TRIP11: variants seen among roughly 807,000 people sequenced by gnomAD.
TRIP11 encodes the protein thyroid receptor-interacting protein 11.
In TRIP11, 148 loss-of-function variants were observed where a neutral mutation model predicts 223.1. The ratio of observed to expected loss-of-function variants is 0.66; its 90% CI spans 0.58 to 0.76. The LOEUF (loss-of-function observed/expected upper bound fraction) is 0.76. Ranked by LOEUF, TRIP11 falls within the 30% of genes least tolerant of loss-of-function variation. The pLI, the probability that TRIP11 is intolerant of heterozygous loss-of-function variation, is 0.00. For missense variants in TRIP11, 2,043 were observed against 2,222.0 expected (o/e 0.92, Z 1.62); for synonymous variants, 762 against 772.6 (o/e 0.99, Z 0.23).
At chr14:91,981,287 A>G (rs2056540698) in intron 16 of TRIP11, among the ~76,000 whole-genome samples, 1 of 151,542 alleles carries the variant, frequency 6.6e-6, no homozygotes, top group African/African-American at 2.4e-5. Flanking sequence ...AAGTGCTGGG[A>G]TTACGAGTGT....
rs1211000138 is a variant in TRIP11 at position 91,981,008 on chromosome 14, A to ATT, written c.5261-4820_5261-4819insAA. Among the ~76,000 whole-genome samples, 285 of 78,246 alleles carry ATT rather than the reference A, an allele frequency of 3.6e-3. 13 individuals carry two copies. Among genetic ancestry groups the ATT allele is most frequent in the Non-Finnish European group, 4.8e-3 (207 of 43,030 alleles). The allele number at this position is 78,246 out of a possible 152,430, so 51.3% of individuals were successfully genotyped here. A position where few individuals can be genotyped will look rare whatever the true frequency, so the allele number is the denominator to read the frequency against. On this transcript the variant is annotated intron_variant, in intron 16 of 20. Transcript: ENST00000267622. ...ATGTATATTATATATATATATATAT[A>ATT]TATATTTTTTTTTTTTTTTTTTTTT...
At chr14:91,996,929 T>C (rs961729207) in intron 13 of TRIP11, among the ~76,000 whole-genome samples, 2 of 152,218 alleles carry the variant, frequency 1.3e-5, no homozygotes, top group African/African-American at 4.8e-5. Context: ...TGTATAATGA[T>C]TACATTCAAA....
chr14:92,003,680 G>A lies in TRIP11; in HGVS notation c.4296C>T (p.Asn1432=). 6.2e-7 allele frequency: 1 copy of A among 1,614,078 alleles called. No homozygotes were observed. The highest frequency in any genetic ancestry group is 1.1e-5 in the South Asian group (1 of 91,078). Reference sequence around the variant, plus strand: ...TCAAAAGTTCGTTTTCATTTACTTTGTTAGTGAAATTTTCATTGGAAGAAA... The same window carrying A: ...TCAAAAGTTCGTTTTCATTTACTTTATTAGTGAAATTTTCATTGGAAGAAA... ...QLLSSNENFT[N]KVNENELLRQ... Residue 1432 remains asparagine, a synonymous_variant, in exon 11 of 21, where the codon AAC becomes AAT. Coordinates refer to ENST00000267622, the MANE Select transcript of TRIP11 (RefSeq NM_004239.4).
At chr14:92,000,519 G>A (rs768706319) in intron 11 of TRIP11, among the ~76,000 whole-genome samples, 20 of 152,106 alleles carry the variant, frequency 1.3e-4, no homozygotes, top group Non-Finnish European at 2.6e-4. Flanking sequence ...TGTTAACAAG[G>A]AAAACTCAGT....
intron 15 of TRIP11, among the ~76,000 whole-genome samples, chr14:91,991,111 T>C (rs1595376062): frequency 6.6e-6 from 1 of 151,862 alleles, no homozygotes; most frequent in South Asian, 2.1e-4. Context: ...TATTGGGAGG[T>C]AGGGCCTGAT....
At chr14:91,982,165 T>A (rs193281491) in intron 16 of TRIP11, among the ~76,000 whole-genome samples, 172 of 152,324 alleles carry the variant, frequency 1.1e-3, no homozygotes, top group Admixed American at 2.2e-3. Context: ...TGATTTTATA[T>A]AAATATTTTT....
intron 10 of TRIP11, among the ~76,000 whole-genome samples, chr14:92,006,715 G>A (rs535988114): frequency 3.9e-5 from 6 of 152,084 alleles, no homozygotes; most frequent in East Asian, 1.9e-4. Context: ...TCGGCTCGGC[G>A]CAATCTCGGC....
At chr14:91,972,245 A>G (rs10484031) in intron 20 of TRIP11, among the ~76,000 whole-genome samples, 3,625 of 152,328 alleles carry the variant, frequency 0.024, 157 homozygotes, top group African/African-American at 0.082. Context: ...AACTGCGCTT[A>G]TATATATTAA....
chr14:92,017,736 T>C lies in TRIP11; in HGVS notation c.603A>G (p.Gln201=), dbSNP rs781543250. The change falls in exon 5 of 21, where the codon CAA becomes CAG. Residue 201 remains glutamine (Q), a synonymous_variant. Coordinates refer to ENST00000267622, the MANE Select transcript of TRIP11 (RefSeq NM_004239.4). ...WRHIAQTSKA[Q]GTDNSDQSEI... ...CACTTTGATCAGAGTTATCTGTTCCTTGTGCTTTGGAAGTCTAGATCAGAA... is the reference window on the plus strand; with the variant it reads ...CACTTTGATCAGAGTTATCTGTTCCCTGTGCTTTGGAAGTCTAGATCAGAA... 17 of 1,612,826 alleles carry C rather than the reference T, an allele frequency of 1.1e-5. No homozygotes were observed. The South Asian group carries it at 1.8e-4, about 17-fold the overall frequency.
At chr14:91,984,612 G>A (rs886091744) in intron 16 of TRIP11, among the ~76,000 whole-genome samples, 5 of 152,030 alleles carry the variant, frequency 3.3e-5, no homozygotes, top group Non-Finnish European at 7.4e-5. Flanking sequence ...CACCACGTCC[G>A]GCCAAATCAT....
intron 20 of TRIP11, among the ~76,000 whole-genome samples, chr14:91,972,316 C>T (rs2056409970): frequency 6.6e-6 from 1 of 152,160 alleles, no homozygotes; most frequent in South Asian, 2.1e-4. Context: ...AAACCCTTCT[C>T]AAACTATAAA....
intron 1 of TRIP11, among the ~76,000 whole-genome samples, chr14:92,039,099 A>G (rs775399312): frequency 3.3e-5 from 5 of 152,234 alleles, no homozygotes; most frequent in Non-Finnish European, 7.3e-5. Flanking sequence ...CTCAAGACAG[A>G]AAAGAGCAAA....
intron 16 of TRIP11, among the ~76,000 whole-genome samples, chr14:91,985,778 A>G (rs1446915685): frequency 2.0e-5 from 3 of 152,260 alleles, no homozygotes; most frequent in African/African-American, 7.2e-5. Flanking sequence ...AATAAAGTAC[A>G]GTATTACAAC....
rs756370117 is a variant in TRIP11, at chr14:92,003,440, C to T, written c.4536G>A (p.Gln1512=). The stretch of plus-strand genomic sequence containing the variant: ...ACACCTGTTCTTTCTCTTTCAATAG[C>T]TGTTCAAAAGCAAGAGCCTTCTCCT... ...SMKEKALAFE[Q]LLKEKEQGKT... The change falls in exon 11 of 21, where the codon CAG becomes CAA. Residue 1512 remains glutamine, a synonymous_variant. Transcript: ENST00000267622. The T allele has an allele frequency of 1.9e-6, 3 of 1,613,596 alleles. No individual in the cohort carries two copies. The highest frequency in any genetic ancestry group is 3.3e-5 in the Admixed American group (2 of 60,010).
In TRIP11 at chr14:91,988,347, C is replaced by T. The variant is rs142518915; in HGVS notation, c.5197G>A (p.Ala1733Thr). Residue 1733 changes from alanine to threonine, a missense_variant, in exon 16 of 21, where the codon GCA becomes ACA. Coordinates refer to ENST00000267622, the MANE Select transcript of TRIP11 (RefSeq NM_004239.4). ...LDEANAALDS[A>T]SRLTEQLDVK... ...TCTAACTGTTCTGTAAGTCTTGATG[C>T]TGAATCCAATGCAGCATTTGCTTCA... The T allele has an allele frequency of 3.7e-5, 59 of 1,613,754 alleles. No homozygotes were observed. In the African/African-American group the frequency reaches 5.3e-4, roughly 15 times the overall value.
Position 92,007,868 on chromosome 14 carries a change from GA to G in TRIP11, c.1315-17del. 6.3e-7 allele frequency: 1 copy of G among 1,583,316 alleles called. No homozygotes were observed. Among genetic ancestry groups the G allele is most frequent in the Non-Finnish European group, 8.6e-7 (1 of 1,161,954 alleles). ...GAAGTTCTTCCTGAAATGATAAAAG[GA>G]AAAAAGCAACACATACTTTCAATTG... On this transcript the variant is annotated splice_polypyrimidine_tract_variant and intron_variant, in intron 9 of 20. Coordinates refer to ENST00000267622, the MANE Select transcript of TRIP11 (RefSeq NM_004239.4).
At chr14:92,024,453 T>C (rs573783690) in intron 3 of TRIP11, among the ~76,000 whole-genome samples, 94 of 152,312 alleles carry the variant, frequency 6.2e-4, no homozygotes, top group Middle Eastern at 3.4e-3. Flanking sequence ...TCATTTTGTA[T>C]TGTATTTTAT....
At chr14:91,994,639 T>C (rs2056725152) in intron 14 of TRIP11, among the ~76,000 whole-genome samples, 2 of 152,238 alleles carry the variant, frequency 1.3e-5, no homozygotes, top group Admixed American at 6.5e-5. Flanking sequence ...CAAGTCCTTG[T>C]TACTTCCTCA....
In TRIP11 at chr14:91,991,304, G is replaced by A. The variant is rs566251461; in HGVS notation, c.5160+2505C>T. The stretch of plus-strand genomic sequence containing the variant: ...GTAGCAAGGAGGTTTACCAGTTGCT[G>A]GCACCTTAATCTTGGATTTCCCAGC... On this transcript the variant is annotated intron_variant, in intron 15 of 20. Transcript: ENST00000267622. 2.6e-5 allele frequency among the ~76,000 whole-genome samples: 4 copies of A among 152,202 alleles called. No homozygotes were observed. In the East Asian group the frequency reaches 7.7e-4, roughly 29 times the overall value.
Sources: gnomAD v4.1 joint callset for allele counts (sites outside exome capture counted in the v4.1 genomes callset) on GRCh38, gnomAD v4.1.1 for gene constraint, MANE v1.5 for transcripts, NCBI Gene and HGNC (gene_info 2026-07-23, HGNC 2026-07-21) for gene names.